ZCWPW2: variants seen among roughly 807,000 people sequenced by gnomAD.
ZCWPW2 encodes zinc finger CW-type and PWWP domain containing 2.
Under a neutral mutation model 46.6 loss-of-function variants are expected in ZCWPW2, and 45 were observed. The observed-to-expected ratio is 0.96, with a 90% confidence interval of 0.76 to 1.24. The LOEUF (loss-of-function observed/expected upper bound fraction) is 1.24. Ranked by LOEUF, ZCWPW2 falls within the 50% of genes most tolerant of loss-of-function variation. ZCWPW2 has a pLI of 0.00. For missense variants in ZCWPW2, 429 were observed against 403.9 expected (o/e 1.06, Z -0.53); for synonymous variants, 152 against 137.1 (o/e 1.11, Z -0.76).
chr3:28,435,651 A>G (rs776218782), intron 4 of ZCWPW2, among the ~76,000 whole-genome samples: 1 of 151,890 alleles, frequency 6.6e-6, no homozygotes, highest in Non-Finnish European at 1.5e-5. Flanking sequence ...ATGCACGGCT[A>G]ATTTTTTTGT....
At position 28,482,229 on chromosome 3, in the gene ZCWPW2, A is replaced by T. The variant is rs150058734; in HGVS notation, c.610+3298A>T. The stretch of plus-strand genomic sequence containing the variant: ...ATAGTTTTGGCTTTTCCAGAATGTC[A>T]TATGGTTAGAATCATATGATATGTC... On this transcript the variant is annotated intron_variant, in intron 5 of 9. Transcript: ENST00000383768. Among the ~76,000 whole-genome samples, 871 of 152,288 alleles carry T rather than the reference A, an allele frequency of 5.7e-3. 6 individuals carry two copies. Among genetic ancestry groups the T allele is most frequent in the African/African-American group, 0.018 (737 of 41,558 alleles).
intron 1 of ZCWPW2, among the ~76,000 whole-genome samples, chr3:28,357,312 C>T (rs1049757764): frequency 1.8e-4 from 27 of 152,130 alleles, no homozygotes; most frequent in Non-Finnish European, 7.4e-5. Context: ...GGAAAACGTC[C>T]AAACTCACAA....
chr3:28,440,825 A>G (rs2125769722), intron 4 of ZCWPW2, among the ~76,000 whole-genome samples: 1 of 152,318 alleles, frequency 6.6e-6, no homozygotes, highest in African/African-American at 2.4e-5. Context: ...AGGCAAACCC[A>G]TATCCAGAGT....
chr3:28,437,986 C>G (rs1697568315), intron 4 of ZCWPW2, among the ~76,000 whole-genome samples: 1 of 152,182 alleles, frequency 6.6e-6, no homozygotes, highest in Admixed American at 6.5e-5. Context: ...AAGGCTTGGA[C>G]TGTATGCTGC....
At chr3:28,421,538 GC>G (rs939276690) in intron 3 of ZCWPW2, among the ~76,000 whole-genome samples, 1 of 151,972 alleles carries the variant, frequency 6.6e-6, no homozygotes, top group African/African-American at 2.4e-5. Flanking sequence ...TGGTCCTTTG[GC>G]TAAAAAGAGC....
At chr3:28,471,829 C>G (rs1699049367) in intron 4 of ZCWPW2, among the ~76,000 whole-genome samples, 1 of 152,036 alleles carries the variant, frequency 6.6e-6, no homozygotes, top group African/African-American at 2.4e-5. Flanking sequence ...TTAGAGAAAC[C>G]TAAAGACTTC....
chr3:28,349,196 G>A lies in ZCWPW2; in HGVS notation c.-141G>A, dbSNP rs1266227879. The A allele has an allele frequency of 2.0e-6, 2 of 985,506 alleles. No homozygotes were observed. Among genetic ancestry groups the A allele is most frequent in the Non-Finnish European group, 2.4e-6 (2 of 830,096 alleles). The allele number at this position is 985,506 out of a possible 1,614,324, so 61.0% of individuals were successfully genotyped here. On this transcript the variant is annotated 5_prime_UTR_variant, in exon 1 of 10. Transcript: ENST00000383768. ...GGACGCCAGGAGGCGGAGGCGGAGT[G>A]GAGTTAGGTAAGAGCGTTACCAGCC...
intron 5 of ZCWPW2, among the ~76,000 whole-genome samples, chr3:28,488,107 C>T (rs150845013): frequency 3.3e-5 from 5 of 152,278 alleles, no homozygotes; most frequent in Admixed American, 2.0e-4. Context: ...AGCTCCTACA[C>T]GTAAAACTCA....
At position 28,348,888 on chromosome 3, in the gene ZCWPW2, G is replaced by A; in HGVS notation, c.-449G>A. 1.1e-6 allele frequency: 1 copy of A among 934,422 alleles called. No individual in the cohort carries two copies. 57.9% of individuals were successfully genotyped at this position (934,422 alleles called of 1,614,324 possible). On this transcript the variant is annotated 5_prime_UTR_variant, in exon 1 of 10. Transcript: ENST00000383768. ...GAAGGCCCGTTACCCAGCAATACGC[G>A]CGCGAGACCCAGGCCCGCCGTCGGG...
At chr3:28,426,286 AAG>A (rs1697008255) in intron 3 of ZCWPW2, among the ~76,000 whole-genome samples, 1 of 151,690 alleles carries the variant, frequency 6.6e-6, no homozygotes, top group South Asian at 2.1e-4. Context: ...TTTGGCTAGG[AAG>A]AGTCTGGACT....
intron 6 of ZCWPW2, among the ~76,000 whole-genome samples, chr3:28,504,561 G>T (rs1700228156): frequency 6.6e-6 from 1 of 152,150 alleles, no homozygotes; most frequent in South Asian, 2.1e-4. Context: ...GCATAATGTG[G>T]ATACTATAAC....
At chr3:28,498,272 TA>T (rs1700050934) in intron 6 of ZCWPW2, among the ~76,000 whole-genome samples, 1 of 147,852 alleles carries the variant, frequency 6.8e-6, no homozygotes, top group Non-Finnish European at 1.5e-5. Context: ...TGTGTGTGTG[TA>T]TTCAGGAAAC....
intron 1 of ZCWPW2, among the ~76,000 whole-genome samples, chr3:28,384,582 C>CTTG (rs1695204951): frequency 6.7e-6 from 1 of 148,964 alleles, no homozygotes; most frequent in Non-Finnish European, 1.5e-5. Context: ...AAGATTTAAT[C>CTTG]TTGACACATT....
At chr3:28,521,158 A>T in intron 9 of ZCWPW2, 42 bp downstream of exon 9, 1 of 1,560,676 alleles carries the variant, frequency 6.4e-7, no homozygotes, top group South Asian at 1.2e-5. Flanking sequence ...AACAACTTCA[A>T]ATTCTTTAAA....
chr3:28,456,424 C>G (rs1698425356), intron 4 of ZCWPW2, among the ~76,000 whole-genome samples: 1 of 152,156 alleles, frequency 6.6e-6, no homozygotes, highest in Non-Finnish European at 1.5e-5. Flanking sequence ...CATTTGCAAA[C>G]AAAGATAATT....
chr3:28,412,604 C>A (rs1696444548), intron 2 of ZCWPW2, among the ~76,000 whole-genome samples: 1 of 151,942 alleles, frequency 6.6e-6, no homozygotes, highest in Admixed American at 6.6e-5. Flanking sequence ...TTCTTAGCTT[C>A]AGTTTTGTCT....
At chr3:28,451,262 A>T (rs1698214156) in intron 4 of ZCWPW2, among the ~76,000 whole-genome samples, 1 of 152,216 alleles carries the variant, frequency 6.6e-6, no homozygotes, top group Admixed American at 6.5e-5. Context: ...AAAGTCTAAC[A>T]GCCATCCCTT....
chr3:28,457,299 T>A (rs760986613), intron 4 of ZCWPW2, among the ~76,000 whole-genome samples: 2 of 152,234 alleles, frequency 1.3e-5, no homozygotes, highest in African/African-American at 2.4e-5. Context: ...GCCCTTATGA[T>A]TCTATCATTA....
chr3:28,369,302 C>G (rs1705230014), intron 1 of ZCWPW2, among the ~76,000 whole-genome samples: 3 of 152,134 alleles, frequency 2.0e-5, no homozygotes, highest in Non-Finnish European at 2.9e-5. Flanking sequence ...TACCTTTGGT[C>G]TTTGATGATG....
Sources: allele counts gnomAD v4.1 joint callset (sites outside exome capture counted in the v4.1 genomes callset), GRCh38; gene constraint gnomAD v4.1.1; transcripts MANE v1.5; gene names NCBI Gene and HGNC (gene_info 2026-07-23, HGNC 2026-07-21).